MAPKAPK3: variants seen among roughly 807,000 people sequenced by gnomAD.
The protein encoded by MAPKAPK3 is MAPK activated protein kinase 3.
In MAPKAPK3, 35 loss-of-function variants were observed where a neutral mutation model predicts 49.2. That is an observed-to-expected ratio of 0.71 (90% CI 0.54 to 0.94). MAPKAPK3 has a LOEUF of 0.94. MAPKAPK3 is among the 40% of genes least tolerant of loss of function. The probability of loss-of-function intolerance (pLI) is 0.00; values close to 1 mark genes in which losing one functional copy is unlikely to be tolerated. For missense variants in MAPKAPK3, 398 were observed against 493.1 expected, an observed-to-expected ratio of 0.81 and a Z score of 1.83; for synonymous variants, 178 against 188.7, an observed-to-expected ratio of 0.94 and a Z score of 0.46.
At chr3:50,634,915 T>C (rs891201479) in intron 2 of MAPKAPK3, among the ~76,000 whole-genome samples, 1 of 152,156 alleles carries the variant, frequency 6.6e-6, no homozygotes, top group Admixed American at 6.5e-5. Flanking sequence ...GGCTGCTCCA[T>C]GGGGGCAATG....
chr3:50,613,016 A>C (rs1037447820), upstream of MAPKAPK3: 1 of 152,056 alleles, frequency 6.6e-6, no homozygotes, highest in Non-Finnish European at 1.5e-5. Context: ...TTTTCAGTTC[A>C]CTGGATTCAC....
At chr3:50,621,608 A>G in intron 2 of MAPKAPK3, among the ~76,000 whole-genome samples, 1 of 149,264 alleles carries the variant, frequency 6.7e-6, no homozygotes, top group African/African-American at 2.5e-5. Context: ...AAAAAAAAAA[A>G]AAAAAAAAAA....
intron 2 of MAPKAPK3, among the ~76,000 whole-genome samples, chr3:50,640,127 G>A (rs1386438576): frequency 1.3e-5 from 2 of 152,186 alleles, no homozygotes; most frequent in African/African-American, 2.4e-5. Context: ...GAAGCAGTCA[G>A]CCACCTCCTA....
Position 50,647,106 on chromosome 3 carries a change from C to A in MAPKAPK3, c.916-17C>A, listed in dbSNP as rs763692754. 1 of 1,559,390 alleles carries A rather than the reference C, an allele frequency of 6.4e-7. No individual in the cohort carries two copies. Among genetic ancestry groups the A allele is most frequent in the South Asian group, 1.2e-5 (1 of 84,662 alleles). Reference sequence around the variant, plus strand: ...GTGCCTCCAGTTTCTAATCCACGGGCGTGGGGCTCCTTCCAGCAATCGATG... The same window carrying A: ...GTGCCTCCAGTTTCTAATCCACGGGAGTGGGGCTCCTTCCAGCAATCGATG... On this transcript the variant is annotated splice_polypyrimidine_tract_variant and intron_variant, in intron 9 of 10. Coordinates refer to ENST00000621469, the MANE Select transcript of MAPKAPK3 (RefSeq NM_001243925.2).
chr3:50,637,448 A>T (rs2033067182), intron 2 of MAPKAPK3, among the ~76,000 whole-genome samples: 1 of 151,916 alleles, frequency 6.6e-6, no homozygotes, highest in South Asian at 2.1e-4. Flanking sequence ...CATCTTGGCT[A>T]ACACGGTGAA....
In MAPKAPK3 at chr3:50,624,069, G is replaced by C. The variant is rs967515607; in HGVS notation, c.219+6285G>C. Among the ~76,000 whole-genome samples, 10 of 152,382 alleles carry C rather than the reference G, an allele frequency of 6.6e-5. 1 individual carries two copies. The Middle Eastern group carries it at 0.01, about 155-fold the overall frequency. On this transcript the variant is annotated intron_variant, in intron 2 of 10. Coordinates refer to ENST00000621469, the MANE Select transcript of MAPKAPK3 (RefSeq NM_001243925.2). ...CTTTTCCCAGGCCTTGTGAGTCTCA[G>C]ACAAGTGCAGCTGGGCAGAGCCCAG...
chr3:50,648,895 T>C lies in MAPKAPK3; in HGVS notation c.*849T>C, dbSNP rs556715579. On this transcript the variant is annotated 3_prime_UTR_variant, in exon 11 of 11. Transcript: ENST00000621469. Reference sequence around the variant, plus strand: ...TCTCAGGCAGGAAAGCCCCTCTCTGTTGAAGTCAGGGGCTATCTTTTGGTA... The same window carrying C: ...TCTCAGGCAGGAAAGCCCCTCTCTGCTGAAGTCAGGGGCTATCTTTTGGTA... The C allele has an allele frequency of 1.3e-5, 2 of 152,266 alleles. No individual in the cohort carries two copies. The highest frequency in any genetic ancestry group is 2.9e-5 in the Non-Finnish European group (2 of 68,054). The allele number at this position is 152,266 out of a possible 1,614,324, so 9.4% of individuals were successfully genotyped here.
At chr3:50,641,617 T>G (rs1576012759) in intron 3 of MAPKAPK3, 90 bp from the exon 4 acceptor site, 1 of 1,016,252 alleles carries the variant, frequency 9.8e-7, no homozygotes, top group South Asian at 1.3e-5. Flanking sequence ...AGCAGCAGGG[T>G]CTGAAGCCTG....
intron 2 of MAPKAPK3, among the ~76,000 whole-genome samples, chr3:50,631,260 TAA>T (rs893946611): frequency 8.5e-5 from 13 of 152,196 alleles, no homozygotes; most frequent in Admixed American, 6.5e-4. Flanking sequence ...AAACTGTGGC[TAA>T]AAAGTTAGAT....
In MAPKAPK3 at chr3:50,635,211, T is replaced by C. The variant is rs567419809; in HGVS notation, c.220-5155T>C. 9.2e-5 allele frequency among the ~76,000 whole-genome samples: 14 copies of C among 152,150 alleles called. No individual in the cohort carries two copies. The South Asian group carries it at 1.2e-3, about 14-fold the overall frequency. On this transcript the variant is annotated intron_variant, in intron 2 of 10. Coordinates refer to ENST00000621469, the MANE Select transcript of MAPKAPK3 (RefSeq NM_001243925.2). ...AGAATAGTGTGGAGTCATGTACCTA[T>C]GTGAAGGAGGCCAACTTGCAGAAAT...
intron 2 of MAPKAPK3, among the ~76,000 whole-genome samples, chr3:50,630,509 C>A (rs2032877188): frequency 6.6e-6 from 1 of 152,250 alleles, no homozygotes; most frequent in African/African-American, 2.4e-5. Context: ...TGGTGGCTAA[C>A]AATGCAGTTG....
At chr3:50,616,179 G>A (rs1468744377), upstream of MAPKAPK3, among the ~76,000 whole-genome samples, 1 of 152,296 alleles carries the variant, frequency 6.6e-6, no homozygotes, top group Non-Finnish European at 1.5e-5. Flanking sequence ...GAGCCAGCTC[G>A]CTCAGGTCCC....
chr3:50,637,195 C>T (rs1317698728), intron 2 of MAPKAPK3, among the ~76,000 whole-genome samples: 1 of 152,134 alleles, frequency 6.6e-6, no homozygotes, highest in Non-Finnish European at 1.5e-5. Flanking sequence ...TCCTATCTCC[C>T]TCCAGTCCTG....
chr3:50,639,942 C>G (rs957823096), intron 2 of MAPKAPK3, among the ~76,000 whole-genome samples: 2 of 152,190 alleles, frequency 1.3e-5, no homozygotes, highest in African/African-American at 2.4e-5. Flanking sequence ...ATTTCCAACC[C>G]TAGCCTAGGA....
At chr3:50,647,264 G>C (rs967367656) in intron 10 of MAPKAPK3, 61 bp downstream of exon 10, 3 of 1,399,148 alleles carry the variant, frequency 2.1e-6, no homozygotes, top group Middle Eastern at 1.8e-4. Context: ...AGGGACTTCA[G>C]GGGGGTGGCT....
intron 2 of MAPKAPK3, 151 bp from the exon 3 acceptor site, chr3:50,640,215 T>A: frequency 1.3e-6 from 1 of 782,024 alleles, no homozygotes; most frequent in Non-Finnish European, 2.0e-6. Flanking sequence ...GGACCACAAG[T>A]CAGAGAAACC....
chr3:50,626,606 A>C (rs1365068709), intron 2 of MAPKAPK3, among the ~76,000 whole-genome samples: 2 of 152,236 alleles, frequency 1.3e-5, no homozygotes, highest in African/African-American at 4.8e-5. Context: ...AAGGACTGGC[A>C]GGTGTTCTCC....
intron 2 of MAPKAPK3, among the ~76,000 whole-genome samples, chr3:50,630,422 A>G (rs1238779642): frequency 6.6e-6 from 1 of 152,252 alleles, no homozygotes; most frequent in Non-Finnish European, 1.5e-5. Context: ...ACTCTGACTC[A>G]GTGGTGGCCA....
chr3:50,640,531 A>G, intron 3 of MAPKAPK3, 26 bp downstream of exon 3: 1 of 1,575,850 alleles, frequency 6.3e-7, no homozygotes, highest in Non-Finnish European at 8.7e-7. Flanking sequence ...CTGTCTCCAC[A>G]CCCCCTCGGC....
Sources: gnomAD v4.1 joint callset for allele counts (sites outside exome capture counted in the v4.1 genomes callset) on GRCh38, gnomAD v4.1.1 for gene constraint, MANE v1.5 for transcripts, NCBI Gene and HGNC (gene_info 2026-07-23, HGNC 2026-07-21) for gene names.